CSMD1: variants seen among roughly 807,000 people sequenced by gnomAD.
CSMD1 encodes CUB and Sushi multiple domains 1.
CSMD1 carries 213 observed loss-of-function variants against 417.5 expected under a neutral mutation model. The observed-to-expected ratio is 0.51, with a 90% CI of 0.46 to 0.57. CSMD1 has a LOEUF of 0.57. CSMD1 is among the 20% of genes least tolerant of loss of function. The probability of loss-of-function intolerance (pLI) is 0.00; values close to 1 mark genes in which losing one functional copy is unlikely to be tolerated. For synonymous variants in CSMD1, 2,862 were observed against 1,736.8 expected (o/e 1.65, Z -16.11); for missense variants, 6,923 against 4,529.7 (o/e 1.53, Z -15.17).
intron 1 of CSMD1, among the ~76,000 whole-genome samples, chr8:4,676,081 T>C (rs1383844915): frequency 6.6e-6 from 1 of 152,228 alleles, no homozygotes; most frequent in Admixed American, 6.5e-5. Context: ...AGAGAAGCGA[T>C]GATCCCCCAT....
At chr8:3,396,475 G>A (rs3802306) in intron 16 of CSMD1, 94 bp from the exon 17 acceptor site, 426,388 of 828,196 alleles carry the variant, frequency 0.51, 112,114 homozygotes, top group Middle Eastern at 0.58. Context: ...AGAAACCCAT[G>A]TACGTTAACA....
chr8:4,455,309 AAAG>A (rs1799401114), intron 2 of CSMD1, among the ~76,000 whole-genome samples: 1 of 152,224 alleles, frequency 6.6e-6, no homozygotes, highest in African/African-American at 2.4e-5. Context: ...ATCCATTAGC[AAAG>A]AAGATGATCA....
intron 3 of CSMD1, among the ~76,000 whole-genome samples, chr8:4,078,735 C>A (rs921524954): frequency 6.7e-6 from 1 of 150,202 alleles, no homozygotes. Context: ...TTTAAGGCAA[C>A]CCTTGTATTT....
Position 3,201,625 on chromosome 8 carries a change from C to A in CSMD1, c.5085G>T (p.Ser1695=). 3 of 1,599,254 alleles carry A rather than the reference C, an allele frequency of 1.9e-6. No individual in the cohort carries two copies. The highest frequency in any genetic ancestry group is 8.5e-7 in the Non-Finnish European group (1 of 1,171,964). ...HAQARLLSSL[S]GSHSGETLPL... ...TTTAAGACTTACCTGAGTGAGACCC[C>A]GAGAGTGAGCTGAGAAGTCTGGCCT... Residue 1695 remains serine (S), a synonymous_variant, in exon 32 of 70, where the codon TCG becomes TCT. Transcript: ENST00000635120.
intron 3 of CSMD1, among the ~76,000 whole-genome samples, chr8:4,155,223 G>A (rs1380539199): frequency 6.6e-6 from 1 of 152,162 alleles, no homozygotes; most frequent in East Asian, 1.9e-4. Flanking sequence ...CCAGATGACT[G>A]GGTCACGCAA....
intron 10 of CSMD1, among the ~76,000 whole-genome samples, chr8:3,507,910 C>A (rs1430760846): frequency 6.6e-6 from 1 of 152,038 alleles, no homozygotes; most frequent in Non-Finnish European, 1.5e-5. Context: ...GATATTAGCC[C>A]TTTGTCAGAT....
intron 23 of CSMD1, among the ~76,000 whole-genome samples, chr8:3,325,795 G>A (rs903820497): frequency 5.3e-5 from 8 of 152,308 alleles, no homozygotes; most frequent in Admixed American, 4.6e-4. Context: ...CTGCACTCCA[G>A]CCTGGGCGAC....
intron 7 of CSMD1, among the ~76,000 whole-genome samples, chr8:3,700,894 C>G (rs1240275453): frequency 6.6e-6 from 1 of 152,038 alleles, no homozygotes; most frequent in Admixed American, 6.6e-5. Flanking sequence ...GGATGTGGTT[C>G]TACTGATATT....
rs1006990387 is a variant in CSMD1 at position 3,760,070 on chromosome 8, T to C, written c.819-6028A>G. Among the ~76,000 whole-genome samples the C allele has an allele frequency of 5.3e-5, 8 of 152,124 alleles. No homozygotes were observed. The East Asian group carries it at 1.2e-3, about 22-fold the overall frequency. Reference sequence around the variant, plus strand: ...AACGGAGCTTGCCAGGTCAGGGATATTGGTGCTTAAAAAACAAGGGGGTTG... The same window carrying C: ...AACGGAGCTTGCCAGGTCAGGGATACTGGTGCTTAAAAAACAAGGGGGTTG... On this transcript the variant is annotated intron_variant, in intron 5 of 69. Coordinates refer to ENST00000635120, the MANE Select transcript of CSMD1 (RefSeq NM_033225.6).
At chr8:3,300,113 G>A (rs73501989) in intron 25 of CSMD1, among the ~76,000 whole-genome samples, 2,512 of 152,180 alleles carry the variant, frequency 0.017, 67 homozygotes, top group African/African-American at 0.057. Flanking sequence ...TTCAGGCAAT[G>A]GAATACTATC....
chr8:3,138,085 G>A (rs1818213457), intron 41 of CSMD1, among the ~76,000 whole-genome samples: 1 of 152,276 alleles, frequency 6.6e-6, no homozygotes, highest in Non-Finnish European at 1.5e-5. Flanking sequence ...AATTAGCCAG[G>A]CATGGTGGCG....
In CSMD1 at chr8:4,994,653, T is replaced by C; in HGVS notation, c.-237A>G. 2.4e-6 allele frequency: 1 copy of C among 421,564 alleles called. No homozygotes were observed. The highest frequency in any genetic ancestry group is 4.2e-6 in the Non-Finnish European group (1 of 236,336). The allele number at this position is 421,564 out of a possible 1,614,324, so 26.1% of individuals were successfully genotyped here. ...CTGCTCCGAGCGCGGAGACCCGGGC[T>C]GGCGGGGCCGGGGCCGGGGACGAGC... is the stretch of plus-strand genomic sequence containing the variant. On this transcript the variant is annotated 5_prime_UTR_variant, in exon 1 of 70. Coordinates refer to ENST00000635120, the MANE Select transcript of CSMD1 (RefSeq NM_033225.6).
At chr8:4,092,352 G>A (rs1384356853) in intron 3 of CSMD1, among the ~76,000 whole-genome samples, 49 of 152,092 alleles carry the variant, frequency 3.2e-4, no homozygotes, top group Admixed American at 2.9e-3. Context: ...GAATCATGAC[G>A]TGACACTTCA....
chr8:4,198,194 G>A (rs999277278), intron 3 of CSMD1, among the ~76,000 whole-genome samples: 1 of 152,180 alleles, frequency 6.6e-6, no homozygotes, highest in Non-Finnish European at 1.5e-5. Flanking sequence ...TCCAAGCAGA[G>A]AGTCCAAGGT....
chr8:4,439,069 C>T (rs188533949), intron 2 of CSMD1, among the ~76,000 whole-genome samples: 20 of 152,140 alleles, frequency 1.3e-4, no homozygotes, highest in South Asian at 2.1e-4. Context: ...GTCTTATTGG[C>T]GCCATCCTAT....
chr8:3,626,437 AC>A (rs1482019111), intron 7 of CSMD1, among the ~76,000 whole-genome samples: 1 of 152,222 alleles, frequency 6.6e-6, no homozygotes, highest in Non-Finnish European at 1.5e-5. Context: ...CAGGCCAGCA[AC>A]TTAAAAATGT....
At chr8:4,728,065 A>G (rs1427170192) in intron 1 of CSMD1, among the ~76,000 whole-genome samples, 2 of 146,864 alleles carry the variant, frequency 1.4e-5, no homozygotes, top group African/African-American at 2.5e-5. Context: ...AGAGAGATGT[A>G]GAATGTATAT....
intron 11 of CSMD1, among the ~76,000 whole-genome samples, chr8:3,484,803 A>G (rs566909024): frequency 2.6e-5 from 4 of 152,368 alleles, no homozygotes; most frequent in African/African-American, 9.6e-5. Context: ...GATGTCAGAT[A>G]GTAAATAAGC....
intron 54 of CSMD1, among the ~76,000 whole-genome samples, chr8:2,986,793 C>T (rs564038444): frequency 6.4e-4 from 97 of 152,230 alleles, no homozygotes; most frequent in Middle Eastern, 3.4e-3. Context: ...CGTGAGCCAC[C>T]GCGCCCGGCT....
Sources: allele counts gnomAD v4.1 joint callset (sites outside exome capture counted in the v4.1 genomes callset), GRCh38; gene constraint gnomAD v4.1.1; transcripts MANE v1.5; gene names NCBI Gene and HGNC (gene_info 2026-07-23, HGNC 2026-07-21).